Variants in MAP7D3 observed in about 807,000 individuals in gnomAD.
MAP7D3 encodes the protein MAP7 domain containing 3.
A neutral mutation model predicts 62.2 loss-of-function variants in MAP7D3; 45 were observed. The observed-to-expected ratio is 0.72, with a 90% CI of 0.57 to 0.93. The LOEUF is 0.93. Among genes scored for constraint, MAP7D3 ranks in the 40% least tolerant of loss-of-function variants. MAP7D3 has a pLI of 0.00. For missense variants in MAP7D3, 711 were observed against 683.1 expected, an observed-to-expected ratio of 1.04 and a Z score of -0.45; for synonymous variants, 288 against 248.8, an observed-to-expected ratio of 1.16 and a Z score of -1.48.
intron 1 of MAP7D3, among the ~76,000 whole-genome samples, chrX:136,246,622 T>G (rs188394760): frequency 5.9e-4 from 66 of 111,980 alleles, no homozygotes; most frequent in African/African-American, 2.1e-3. Context: ...AGTTTGTGGA[T>G]GAGTAGGAGC....
chrX:136,237,398 ATAGT>A (rs917016169), intron 6 of MAP7D3, among the ~76,000 whole-genome samples: 2 of 112,426 alleles, frequency 1.8e-5, no homozygotes, highest in African/African-American at 6.5e-5. Context: ...CAGATTTAAA[ATAGT>A]TACTTAAAAT....
chrX:136,251,499 G>A, upstream of MAP7D3: 2 of 830,636 alleles, frequency 2.4e-6, no homozygotes, highest in African/African-American at 4.4e-5. Flanking sequence ...GGGCCACCGC[G>A]CCCGCCTCGG....
At chrX:136,234,845 A>G (rs1224051849) in intron 7 of MAP7D3, among the ~76,000 whole-genome samples, 1 of 111,612 alleles carries the variant, frequency 9.0e-6, no homozygotes, top group Non-Finnish European at 1.9e-5. Context: ...CTGATATATG[A>G]GCAACGAGAT....
At position 136,246,257 on chromosome X, in the gene MAP7D3, G is replaced by A. The variant is rs766296291; in HGVS notation, c.155C>T (p.Ser52Leu). Reference protein sequence around the residue: ...RVATHSSNIRSTFKPVIDGSM... With the variant: ...RVATHSSNIRLTFKPVIDGSM... ...AGAAATTATACCTGGTTTAAATGTC[G>A]ATCTTATATTTGAGGAATGGGTTGC... Residue 52 changes from serine (S) to leucine (L), a missense_variant, in exon 2 of 19, where the codon TCG (serine) becomes TTG (leucine). Coordinates refer to ENST00000316077, the MANE Select transcript of MAP7D3 (RefSeq NM_024597.4). 2.9e-5 allele frequency: 35 copies of A among 1,192,188 alleles called. No homozygotes were observed. Among genetic ancestry groups the A allele is most frequent in the Non-Finnish European group, 3.5e-5 (31 of 878,568 alleles).
upstream of MAP7D3, chrX:136,255,940 T>A (rs186122767): frequency 9.0e-5 from 31 of 342,869 alleles, no homozygotes; most frequent in African/African-American, 8.2e-4. Flanking sequence ...TGAAGTTTTT[T>A]AAAAAATTGA....
At chrX:136,245,901 C>T (rs1360277378) in intron 3 of MAP7D3, among the ~76,000 whole-genome samples, 164 bp downstream of exon 3, 1 of 111,689 alleles carries the variant, frequency 9.0e-6, no homozygotes, top group Admixed American at 9.5e-5. Flanking sequence ...AAAGAATTTT[C>T]ATGGGCCTTC....
chrX:136,245,015 G>A (rs751200118), intron 3 of MAP7D3, among the ~76,000 whole-genome samples: 1 of 112,347 alleles, frequency 8.9e-6, no homozygotes, highest in South Asian at 3.7e-4. Context: ...GAACTGGATT[G>A]TCTGTGCCAA....
Position 136,240,444 on chromosome X carries a change from G to A in MAP7D3, c.578C>T (p.Thr193Ile). 1 of 1,205,886 alleles carries A rather than the reference G, an allele frequency of 8.3e-7. No individual in the cohort carries two copies. Among genetic ancestry groups the A allele is most frequent in the Non-Finnish European group, 1.1e-6 (1 of 890,312 alleles). Residue 193 changes from threonine (T) to isoleucine (I), a missense_variant, in exon 6 of 19, where the codon ACT (threonine) becomes ATT (isoleucine). By Grantham distance (89) the Thr-to-Ile change is moderately conservative. Coordinates refer to ENST00000316077, the MANE Select transcript of MAP7D3 (RefSeq NM_024597.4). The stretch of plus-strand genomic sequence containing the variant: ...AGGCATTTGTCTGATTAAAGCAGAA[G>A]TACCCTGTTCAAGTTTTTCAGTAGA... The part of the protein sequence containing the change: ...SASTEKLEQG[T>I]SALIRQMPLS...
chrX:136,234,604 T>A (rs763226856), intron 7 of MAP7D3, among the ~76,000 whole-genome samples: 5 of 112,055 alleles, frequency 4.5e-5, no homozygotes, highest in Non-Finnish European at 9.4e-5. Context: ...CTGGGTAAAA[T>A]CACTAATATG....
intron 7 of MAP7D3, among the ~76,000 whole-genome samples, chrX:136,235,439 G>A (rs2074318185): frequency 8.9e-6 from 1 of 111,796 alleles, no homozygotes; most frequent in Non-Finnish European, 1.9e-5. Flanking sequence ...AAATGCTAGG[G>A]AAAGGTGTTA....
intron 6 of MAP7D3, among the ~76,000 whole-genome samples, chrX:136,237,718 C>A (rs1435398413): frequency 8.9e-6 from 1 of 111,738 alleles, no homozygotes; most frequent in East Asian, 2.8e-4. Flanking sequence ...AAGTCATAAT[C>A]TGTCCCTTCT....
intron 1 of MAP7D3, among the ~76,000 whole-genome samples, chrX:136,246,735 T>C (rs1004787148): frequency 1.8e-5 from 2 of 112,164 alleles, no homozygotes; most frequent in African/African-American, 6.5e-5. Context: ...TCACCATAAA[T>C]TGGGAATTCA....
At chrX:136,240,573 G>T (rs563271439) in intron 5 of MAP7D3, 87 bp from the exon 6 acceptor site, 5 of 585,071 alleles carry the variant, frequency 8.5e-6, no homozygotes, top group Middle Eastern at 7.0e-4. Flanking sequence ...TCATGATATA[G>T]TTCTATGGAG....
upstream of MAP7D3, among the ~76,000 whole-genome samples, chrX:136,254,296 T>C (rs2074539311): frequency 9.1e-6 from 1 of 109,403 alleles, no homozygotes; most frequent in Non-Finnish European, 1.9e-5. Context: ...TGTTGACCAG[T>C]CTAGTCTCCA....
chrX:136,244,869 G>C (rs906121199), intron 3 of MAP7D3, 74 bp from the exon 4 acceptor site: 2 of 748,348 alleles, frequency 2.7e-6, no homozygotes, highest in Non-Finnish European at 3.9e-6. Flanking sequence ...TACACACACA[G>C]AAGGAAAAAG....
At chrX:136,233,180 T>C (rs1161273764) in intron 7 of MAP7D3, among the ~76,000 whole-genome samples, 2 of 110,945 alleles carry the variant, frequency 1.8e-5, no homozygotes, top group African/African-American at 6.5e-5. Context: ...AAAAAATAAA[T>C]GCAAAGAAAA....
At chrX:136,254,133 G>A (rs1016469410), upstream of MAP7D3, among the ~76,000 whole-genome samples, 2 of 108,351 alleles carry the variant, frequency 1.8e-5, no homozygotes, top group Non-Finnish European at 3.8e-5. Context: ...CACCCAGGCT[G>A]GAGTGCAGTG....
intron 13 of MAP7D3, among the ~76,000 whole-genome samples, chrX:136,225,091 G>A (rs140985130): frequency 2.0e-3 from 228 of 111,984 alleles, no homozygotes; most frequent in Middle Eastern, 4.6e-3. Flanking sequence ...AATGATGACC[G>A]CTGTATTTGT....
At chrX:136,232,938 T>C (rs753735367) in intron 7 of MAP7D3, among the ~76,000 whole-genome samples, 8 of 111,353 alleles carry the variant, frequency 7.2e-5, no homozygotes, top group African/African-American at 2.6e-4. Context: ...TACTGTTTGT[T>C]CCAGCAATTC....
Sources: allele counts gnomAD v4.1 joint callset (sites outside exome capture counted in the v4.1 genomes callset), GRCh38; gene constraint gnomAD v4.1.1; transcripts MANE v1.5; gene names NCBI Gene and HGNC (gene_info 2026-07-23, HGNC 2026-07-21).